The following KAZN variants were observed in gnomAD, a reference collection of about 807,000 sequenced individuals.
KAZN encodes the protein kazrin.
In KAZN, 40 loss-of-function variants were observed where a neutral mutation model predicts 87.4. The ratio of observed to expected loss-of-function variants is 0.46; its 90% CI spans 0.36 to 0.60. KAZN has a LOEUF of 0.60. KAZN is among the 20% of genes least tolerant of loss of function. The pLI is 0.00. For missense variants in KAZN, 898 were observed against 1,073.9 expected (o/e 0.84, Z 2.29); for synonymous variants, 466 against 458.3 (o/e 1.02, Z -0.22).
At chr1:14,537,105 T>C (rs1672548295) in intron 2 of KAZN, among the ~76,000 whole-genome samples, 1 of 152,214 alleles carries the variant, frequency 6.6e-6, no homozygotes, top group Admixed American at 6.5e-5. Flanking sequence ...TGAACATTTT[T>C]CTTATGCTGA....
At chr1:14,079,615 T>C (rs1482413971) in intron 1 of KAZN, among the ~76,000 whole-genome samples, 2 of 152,208 alleles carry the variant, frequency 1.3e-5, no homozygotes, top group African/African-American at 2.4e-5. Context: ...AGAAACGGAA[T>C]GATGTCTTTT....
chr1:14,050,161 CGT>C (rs1312389589), intron 1 of KAZN, among the ~76,000 whole-genome samples: 1 of 149,738 alleles, frequency 6.7e-6, no homozygotes, highest in East Asian at 2.0e-4. Context: ...TGCTTGTGCG[CGT>C]GTGTGGGTGT....
In KAZN at chr1:14,888,827, G is replaced by T. The variant is rs568561926; in HGVS notation, c.227-71857G>T. Among the ~76,000 whole-genome samples, 4 of 152,162 alleles carry T rather than the reference G, an allele frequency of 2.6e-5. No homozygotes were observed. In the East Asian group the frequency reaches 7.7e-4, roughly 29 times the overall value. The stretch of plus-strand genomic sequence containing the variant: ...TGGCTCTGCTCGGTGTCATCTCCCC[G>T]CCAGGACCCAGGCTGATCAGAAGCC... On this transcript the variant is annotated intron_variant, in intron 1 of 14. Coordinates refer to ENST00000376030, the MANE Select transcript of KAZN (RefSeq NM_201628.3).
At chr1:14,552,376 A>G (rs1387630673) in intron 2 of KAZN, among the ~76,000 whole-genome samples, 1 of 152,142 alleles carries the variant, frequency 6.6e-6, no homozygotes, top group East Asian at 1.9e-4. Context: ...GCCTGCAGGG[A>G]GGAGGGCAGC....
At chr1:14,350,871 G>A (rs1391278565) in intron 2 of KAZN, 2 of 152,288 alleles carry the variant, frequency 1.3e-5, no homozygotes, top group African/African-American at 2.4e-5. Flanking sequence ...ACAGTCACCT[G>A]TTTCGAGGTT....
intron 1 of KAZN, among the ~76,000 whole-genome samples, chr1:13,982,535 A>G (rs1638782400): frequency 6.6e-6 from 1 of 152,186 alleles, no homozygotes; most frequent in Non-Finnish European, 1.5e-5. Flanking sequence ...ACAGCATGGA[A>G]AGCGACCCGA....
intron 2 of KAZN, among the ~76,000 whole-genome samples, chr1:14,227,788 T>A (rs1647424384): frequency 6.6e-6 from 1 of 152,196 alleles, no homozygotes; most frequent in African/African-American, 2.4e-5. Flanking sequence ...TTCTATGAAT[T>A]ACACAGTAGC....
At chr1:14,292,756 T>C (rs538456178) in intron 2 of KAZN, among the ~76,000 whole-genome samples, 1 of 152,366 alleles carries the variant, frequency 6.6e-6, no homozygotes, top group African/African-American at 2.4e-5. Flanking sequence ...TTTCTCATGT[T>C]GGCCGCAGGC....
chr1:14,582,154 A>C (rs76342889), intron 2 of KAZN, among the ~76,000 whole-genome samples: 9 of 151,964 alleles, frequency 5.9e-5, no homozygotes, highest in Non-Finnish European at 1.2e-4. Context: ...AGCAAAAAAA[A>C]CCTAAAGTTT....
intron 1 of KAZN, among the ~76,000 whole-genome samples, chr1:14,811,345 T>C (rs746319177): frequency 5.9e-5 from 9 of 152,226 alleles, no homozygotes; most frequent in Non-Finnish European, 8.8e-5. Context: ...AACTCACAAG[T>C]TGATGCTACA....
chr1:14,837,550 ATTT>A (rs1164233693), intron 1 of KAZN, among the ~76,000 whole-genome samples: 19 of 117,676 alleles, frequency 1.6e-4, no homozygotes, highest in African/African-American at 4.2e-4. Context: ...TAGCTGTATA[ATTT>A]TTTTTTTTTT....
At chr1:15,058,339 T>C (rs1374442190) in intron 5 of KAZN, among the ~76,000 whole-genome samples, 1 of 152,230 alleles carries the variant, frequency 6.6e-6, no homozygotes, top group East Asian at 1.9e-4. Context: ...TGGAATTGAC[T>C]CCAAAGCCAG....
At chr1:13,928,274 C>T (rs965859079) in intron 1 of KAZN, among the ~76,000 whole-genome samples, 6 of 152,088 alleles carry the variant, frequency 3.9e-5, no homozygotes, top group African/African-American at 1.4e-4. Context: ...CTTCCTTTTG[C>T]TGGGTCCTTC....
At chr1:14,063,272 G>A (rs1167308585) in intron 1 of KAZN, among the ~76,000 whole-genome samples, 2 of 152,148 alleles carry the variant, frequency 1.3e-5, no homozygotes, top group Non-Finnish European at 2.9e-5. Context: ...CCCAAAACTT[G>A]AATTGGTTGA....
chr1:14,955,089 C>A (rs1322827341), intron 1 of KAZN, among the ~76,000 whole-genome samples: 1 of 152,136 alleles, frequency 6.6e-6, no homozygotes, highest in African/African-American at 2.4e-5. Flanking sequence ...TCTAAGGGAA[C>A]CCATGTTGTG....
chr1:14,188,282 T>C (rs1326727173), intron 2 of KAZN, among the ~76,000 whole-genome samples: 1 of 151,652 alleles, frequency 6.6e-6, no homozygotes, highest in Non-Finnish European at 1.5e-5. Flanking sequence ...ATTTGTACTT[T>C]AGTTTTGTGT....
chr1:14,366,227 G>A (rs764474563), intron 2 of KAZN, among the ~76,000 whole-genome samples: 1 of 152,148 alleles, frequency 6.6e-6, no homozygotes, highest in Non-Finnish European at 1.5e-5. Flanking sequence ...AGTTAAGTGT[G>A]GTTTATTTTT....
At chr1:14,034,856 AGACT>A (rs1393301723) in intron 1 of KAZN, among the ~76,000 whole-genome samples, 11 of 152,180 alleles carry the variant, frequency 7.2e-5, no homozygotes, top group Admixed American at 7.2e-4. Context: ...CACTCGGTAA[AGACT>A]GGTGGGAAGT....
chr1:15,110,051 ATG>A (rs1340825446), intron 13 of KAZN, among the ~76,000 whole-genome samples: 2 of 98,904 alleles, frequency 2.0e-5, no homozygotes, highest in Admixed American at 1.2e-4. Context: ...GTATATATAT[ATG>A]TGCGTGTGTG....
Sources: gnomAD v4.1 joint callset for allele counts (sites outside exome capture counted in the v4.1 genomes callset) on GRCh38, gnomAD v4.1.1 for gene constraint, MANE v1.5 for transcripts, NCBI Gene and HGNC (gene_info 2026-07-23, HGNC 2026-07-21) for gene names.